TFB1M: variants seen among roughly 807,000 people sequenced by gnomAD.
TFB1M encodes transcription factor B1, mitochondrial.
Under a neutral mutation model 31.1 loss-of-function variants are expected in TFB1M, and 27 were observed. That is an observed-to-expected ratio of 0.87 (90% CI 0.64 to 1.20). TFB1M has a LOEUF of 1.20. TFB1M is among the 50% of genes most tolerant of loss of function. The probability of loss-of-function intolerance (pLI) is 0.00; values close to 1 mark genes in which losing one functional copy is unlikely to be tolerated. For synonymous variants in TFB1M, 166 were observed against 151.8 expected, an observed-to-expected ratio of 1.09 and a Z score of -0.69; for missense variants, 394 against 418.7, an observed-to-expected ratio of 0.94 and a Z score of 0.51.
downstream of TFB1M, chr6:155,254,059 A>G: frequency 6.2e-7 from 1 of 1,613,716 alleles, no homozygotes; most frequent in Non-Finnish European, 8.5e-7. Flanking sequence ...GTTGTGTTGC[A>G]GGTATGACTG....
intron 5 of TFB1M, among the ~76,000 whole-genome samples, chr6:155,274,719 A>G (rs1438520142): frequency 6.6e-6 from 1 of 152,260 alleles, no homozygotes; most frequent in East Asian, 1.9e-4. Context: ...TAACCATGCC[A>G]GTGACTCAGA....
chr6:155,291,033 AGTTTTTG>A (rs1776899068), intron 4 of TFB1M, among the ~76,000 whole-genome samples: 1 of 149,966 alleles, frequency 6.7e-6, no homozygotes, highest in African/African-American at 2.5e-5. Flanking sequence ...TGTTTCCCTG[AGTTTTTG>A]AGCCATTCTG....
At chr6:155,230,363 C>T in the TFB1M span, among the ~76,000 whole-genome samples, 1 of 152,224 alleles carries the variant, frequency 6.6e-6, no homozygotes, top group Non-Finnish European at 1.5e-5. Flanking sequence ...CTTCCCCCAG[C>T]CCCAAGCTGT....
At chr6:155,241,401 G>A in the TFB1M span, among the ~76,000 whole-genome samples, 5 of 152,278 alleles carry the variant, frequency 3.3e-5, no homozygotes, top group African/African-American at 7.2e-5. Context: ...AGCGCGGCAC[G>A]GTGCGGTGGG....
intron 4 of TFB1M, among the ~76,000 whole-genome samples, chr6:155,293,974 C>G (rs979620268): frequency 6.6e-6 from 1 of 152,192 alleles, no homozygotes; most frequent in South Asian, 2.1e-4. Context: ...ACTCCTTTCT[C>G]TCTGTCCTGT....
chr6:155,285,397 A>G (rs324357), intron 4 of TFB1M, 120 bp from the exon 5 acceptor site: 620,067 of 1,170,018 alleles, frequency 0.53, 169,636 homozygotes, highest in East Asian at 0.84. Flanking sequence ...ATTTGAAAAG[A>G]ATGGGCTATC....
At chr6:155,230,405 A>G in the TFB1M span, among the ~76,000 whole-genome samples, 18,232 of 152,198 alleles carry the variant, frequency 0.12, 1,413 homozygotes, top group Non-Finnish European at 0.18. Context: ...CCCTGGCTCC[A>G]GTGTTAGCTG....
chr6:155,309,710 G>T (rs949811011), intron 2 of TFB1M, among the ~76,000 whole-genome samples: 1 of 152,108 alleles, frequency 6.6e-6, no homozygotes, highest in African/African-American at 2.4e-5. Context: ...TGTCCAAAAA[G>T]GGCTACACGA....
intron 5 of TFB1M, among the ~76,000 whole-genome samples, chr6:155,284,798 C>A (rs1776548750): frequency 6.6e-6 from 1 of 152,136 alleles, no homozygotes; most frequent in South Asian, 2.1e-4. Flanking sequence ...AGTTAGAGGT[C>A]TCTAACAGAA....
chr6:155,242,301 C>A, the TFB1M span, among the ~76,000 whole-genome samples: 1 of 152,172 alleles, frequency 6.6e-6, no homozygotes, highest in African/African-American at 2.4e-5. Context: ...CACACACCAC[C>A]GTTTCTTCAT....
chr6:155,272,146 T>C (rs1434517728), intron 5 of TFB1M, among the ~76,000 whole-genome samples: 1 of 152,204 alleles, frequency 6.6e-6, no homozygotes, highest in East Asian at 1.9e-4. Context: ...TGAGGTTAAT[T>C]TGAAGACAAC....
In TFB1M at chr6:155,279,708, T is replaced by C. The variant is rs1442569808; in HGVS notation, c.666+5450A>G. Reference sequence around the variant, plus strand: ...TTATTATCATTATCTCCAGTTACTTTTGTATTAATTTCATTGCATTTTATA... The same window carrying C: ...TTATTATCATTATCTCCAGTTACTTCTGTATTAATTTCATTGCATTTTATA... On this transcript the variant is annotated intron_variant, in intron 5 of 6. Coordinates refer to ENST00000367166, the MANE Select transcript of TFB1M (RefSeq NM_016020.4). Among the ~76,000 whole-genome samples, 7 of 152,340 alleles carry C rather than the reference T, an allele frequency of 4.6e-5. No homozygotes were observed. The East Asian group carries it at 9.6e-4, about 21-fold the overall frequency.
the TFB1M span, among the ~76,000 whole-genome samples, chr6:155,238,550 C>A: frequency 6.6e-6 from 1 of 152,214 alleles, no homozygotes; most frequent in Non-Finnish European, 1.5e-5. Context: ...CCCTTACTTG[C>A]CCCTTGAGGT....
intron 1 of TFB1M, 176 bp downstream of exon 1, chr6:155,314,120 A>C: frequency 6.7e-7 from 1 of 1,492,630 alleles, no homozygotes; most frequent in Non-Finnish European, 8.9e-7. Flanking sequence ...AACGCACTTC[A>C]CGTGTCTCCT....
intron 5 of TFB1M, chr6:155,275,646 AATAG>A (rs1490970133): frequency 1.1e-5 from 16 of 1,427,004 alleles, no homozygotes; most frequent in Admixed American, 9.7e-5. Context: ...ACTGCACAGA[AATAG>A]ATAGAATTCT....
At chr6:155,287,267 C>T (rs975513094) in intron 4 of TFB1M, among the ~76,000 whole-genome samples, 2 of 152,068 alleles carry the variant, frequency 1.3e-5, no homozygotes, top group African/African-American at 4.8e-5. Flanking sequence ...AACCTCATGA[C>T]CCTCTAGGTC....
Position 155,256,880 on chromosome 6 carries a change from G to C in TFB1M, c.*956C>G. ...GAGTCGGGTGAGGGTCAGAAAGGAG[G>C]AGAGCAGCCCAAACTGGTCCGGGGG... On this transcript the variant is annotated 3_prime_UTR_variant, in exon 7 of 7. Transcript: ENST00000367166. 6.2e-7 allele frequency: 1 copy of C among 1,614,212 alleles called. No homozygotes were observed. The highest frequency in any genetic ancestry group is 1.1e-5 in the South Asian group (1 of 91,084).
intron 4 of TFB1M, among the ~76,000 whole-genome samples, chr6:155,294,668 C>A (rs963105371): frequency 1.3e-5 from 2 of 152,060 alleles, no homozygotes; most frequent in African/African-American, 2.4e-5. Flanking sequence ...TGAGTACTGG[C>A]AAGAATATGG....
intron 5 of TFB1M, chr6:155,276,271 C>T: frequency 6.2e-7 from 1 of 1,614,106 alleles, no homozygotes; most frequent in South Asian, 1.1e-5. Flanking sequence ...TCTGCACCTC[C>T]TGTATAAAAA....
Sources: allele counts gnomAD v4.1 joint callset (sites outside exome capture counted in the v4.1 genomes callset), GRCh38; gene constraint gnomAD v4.1.1; transcripts MANE v1.5; gene names NCBI Gene and HGNC (gene_info 2026-07-23, HGNC 2026-07-21).